Variants in ITFG1 observed in about 807,000 individuals in gnomAD.
ITFG1 encodes integrin alpha FG-GAP repeat containing 1.
ITFG1 carries 34 observed loss-of-function variants against 81.8 expected under a neutral mutation model. The ratio of observed to expected loss-of-function variants is 0.42; its 90% CI spans 0.32 to 0.55. The LOEUF is 0.55. Ranked by LOEUF, ITFG1 falls within the 20% of genes least tolerant of loss-of-function variation. The pLI, the probability that ITFG1 is intolerant of heterozygous loss-of-function variation, is 0.17. For missense variants in ITFG1, 672 were observed against 755.4 expected, an observed-to-expected ratio of 0.89 and a Z score of 1.29; for synonymous variants, 285 against 270.6, an observed-to-expected ratio of 1.05 and a Z score of -0.52.
At chr16:47,360,285 T>C (rs1968092870) in intron 8 of ITFG1, among the ~76,000 whole-genome samples, 1 of 152,206 alleles carries the variant, frequency 6.6e-6, no homozygotes, top group African/African-American at 2.4e-5. Context: ...ATTTACTTGA[T>C]AATTTCTGAC....
At chr16:47,341,609 A>C (rs1967785751) in intron 8 of ITFG1, among the ~76,000 whole-genome samples, 2 of 151,922 alleles carry the variant, frequency 1.3e-5, no homozygotes, top group South Asian at 4.1e-4. Flanking sequence ...AGGAAAGAAA[A>C]CAATAAAACT....
At chr16:47,275,630 G>A (rs1342816012) in intron 10 of ITFG1, among the ~76,000 whole-genome samples, 1 of 152,054 alleles carries the variant, frequency 6.6e-6, no homozygotes, top group African/African-American at 2.4e-5. Flanking sequence ...GTTTTCATAT[G>A]TAATCTTCTC....
At chr16:47,387,649 C>G (rs757977068) in intron 6 of ITFG1, among the ~76,000 whole-genome samples, 1 of 152,166 alleles carries the variant, frequency 6.6e-6, no homozygotes, top group African/African-American at 2.4e-5. Context: ...GGAAGGCCTG[C>G]CTTGCGGTTC....
At chr16:47,287,144 C>T (rs1041817754) in intron 10 of ITFG1, among the ~76,000 whole-genome samples, 2 of 152,066 alleles carry the variant, frequency 1.3e-5, no homozygotes, top group African/African-American at 2.4e-5. Flanking sequence ...GCAACTAGAC[C>T]CGAAGACCAT....
intron 5 of ITFG1, among the ~76,000 whole-genome samples, chr16:47,445,928 C>T (rs1014997719): frequency 2.6e-5 from 4 of 152,146 alleles, no homozygotes; most frequent in African/African-American, 9.7e-5. Flanking sequence ...GCCTTTAGAA[C>T]TTGGAAGATC....
At chr16:47,441,096 C>T (rs1371910827) in intron 5 of ITFG1, among the ~76,000 whole-genome samples, 1 of 152,098 alleles carries the variant, frequency 6.6e-6, no homozygotes, top group Non-Finnish European at 1.5e-5. Context: ...GGATAAATTC[C>T]TCGACACATA....
At chr16:47,337,608 T>G (rs1174559913) in intron 8 of ITFG1, among the ~76,000 whole-genome samples, 3 of 152,128 alleles carry the variant, frequency 2.0e-5, no homozygotes, top group Non-Finnish European at 4.4e-5. Flanking sequence ...ATGCATGGCT[T>G]TTTAGATTTT....
At chr16:47,251,851 T>C (rs761511596) in intron 12 of ITFG1, among the ~76,000 whole-genome samples, 12 of 152,266 alleles carry the variant, frequency 7.9e-5, no homozygotes, top group Non-Finnish European at 1.2e-4. Context: ...AATGTAGTTT[T>C]TCACTCTGAA....
At chr16:47,377,473 A>C (rs1968341552) in intron 6 of ITFG1, among the ~76,000 whole-genome samples, 1 of 152,030 alleles carries the variant, frequency 6.6e-6, no homozygotes, top group Non-Finnish European at 1.5e-5. Flanking sequence ...TCCAGCCTCA[A>C]TTCTGTGTTA....
chr16:47,269,610 CTG>C (rs1284982378), intron 10 of ITFG1, among the ~76,000 whole-genome samples: 5 of 149,122 alleles, frequency 3.4e-5, no homozygotes, highest in African/African-American at 1.2e-4. Context: ...ACTAGAAACA[CTG>C]TTAAAAAATT....
At chr16:47,235,285 T>C (rs576290092) in intron 13 of ITFG1, among the ~76,000 whole-genome samples, 2 of 152,234 alleles carry the variant, frequency 1.3e-5, no homozygotes, top group South Asian at 2.1e-4. Context: ...AGAAGTAATG[T>C]TGGTGTGTGG....
At chr16:47,273,961 T>A (rs559398543) in intron 10 of ITFG1, among the ~76,000 whole-genome samples, 1 of 152,134 alleles carries the variant, frequency 6.6e-6, no homozygotes, top group South Asian at 2.1e-4. Context: ...AACTATGAGA[T>A]ACAAGAATTA....
intron 10 of ITFG1, among the ~76,000 whole-genome samples, chr16:47,308,057 C>T (rs1167827105): frequency 1.3e-5 from 2 of 152,180 alleles, no homozygotes; most frequent in African/African-American, 4.8e-5. Context: ...TTGATGGGCA[C>T]CTACATTGAT....
At chr16:47,406,758 A>G (rs1368009637) in intron 6 of ITFG1, among the ~76,000 whole-genome samples, 1 of 152,198 alleles carries the variant, frequency 6.6e-6, no homozygotes, top group Non-Finnish European at 1.5e-5. Context: ...AGGGCAAAGG[A>G]GAGTGTTTGA....
At chr16:47,410,273 T>G (rs1045988596) in intron 6 of ITFG1, among the ~76,000 whole-genome samples, 1 of 151,988 alleles carries the variant, frequency 6.6e-6, no homozygotes, top group Admixed American at 6.6e-5. Context: ...AGACCCTGTC[T>G]CTAAAAAAAG....
At chr16:47,424,352 A>G (rs911907660) in intron 6 of ITFG1, among the ~76,000 whole-genome samples, 1 of 152,118 alleles carries the variant, frequency 6.6e-6, no homozygotes, top group Admixed American at 6.5e-5. Context: ...CAAGGTTTTT[A>G]GCTTCCTTGC....
chr16:47,318,957 G>C (rs1420026610), intron 8 of ITFG1, among the ~76,000 whole-genome samples: 2 of 152,074 alleles, frequency 1.3e-5, no homozygotes, highest in African/African-American at 4.8e-5. Context: ...AACTCAACAA[G>C]TAATTTTTTT....
intron 6 of ITFG1, among the ~76,000 whole-genome samples, chr16:47,405,375 A>C (rs1968715494): frequency 6.6e-6 from 1 of 152,216 alleles, no homozygotes; most frequent in Non-Finnish European, 1.5e-5. Flanking sequence ...GAGTTTAAAA[A>C]TAGGTTTTAG....
At chr16:47,314,119 G>A (rs1967313406) in intron 8 of ITFG1, among the ~76,000 whole-genome samples, 1 of 151,926 alleles carries the variant, frequency 6.6e-6, no homozygotes, top group African/African-American at 2.4e-5. Context: ...CTGGGTGATG[G>A]GATCAGTCAT....
Sources: allele counts gnomAD v4.1 joint callset (sites outside exome capture counted in the v4.1 genomes callset), GRCh38; gene constraint gnomAD v4.1.1; transcripts MANE v1.5; gene names NCBI Gene and HGNC (gene_info 2026-07-23, HGNC 2026-07-21).